The following DCC variants were observed in gnomAD, a reference collection of about 807,000 sequenced individuals.
DCC encodes DCC netrin 1 receptor.
DCC carries 58 observed loss-of-function variants against 172.5 expected under a neutral mutation model. That is an observed-to-expected ratio of 0.34 (90% CI 0.27 to 0.42). DCC has a LOEUF of 0.42. Among genes scored for constraint, DCC ranks in the 10% least tolerant of loss-of-function variants. DCC has a pLI of 1.00. For synonymous variants in DCC, 709 were observed against 644.5 expected (o/e 1.10, Z -1.52); for missense variants, 1,740 against 1,791.0 (o/e 0.97, Z 0.51).
At chr18:52,738,543 G>A (rs776673904) in intron 1 of DCC, among the ~76,000 whole-genome samples, 2 of 152,146 alleles carry the variant, frequency 1.3e-5, no homozygotes, top group Non-Finnish European at 2.9e-5. Context: ...CTTGCAGGAT[G>A]AGAAGTGAGT....
At chr18:52,677,538 C>T (rs895140791) in intron 1 of DCC, among the ~76,000 whole-genome samples, 8 of 151,766 alleles carry the variant, frequency 5.3e-5, no homozygotes, top group Admixed American at 1.3e-4. Context: ...TGGTTCAACC[C>T]ATAAATACAT....
intron 1 of DCC, among the ~76,000 whole-genome samples, chr18:52,567,456 A>T (rs955409009): frequency 9.2e-5 from 14 of 152,014 alleles, no homozygotes; most frequent in African/African-American, 3.1e-4. Flanking sequence ...TGGCTCCATC[A>T]TTTGCCAGCT....
intron 8 of DCC, among the ~76,000 whole-genome samples, chr18:53,171,469 T>C (rs187173814): frequency 9.2e-5 from 14 of 152,326 alleles, no homozygotes; most frequent in Admixed American, 2.0e-4. Context: ...ATTTATACTT[T>C]ATGTAAGACT....
At chr18:52,446,314 A>T (rs1988122046) in intron 1 of DCC, among the ~76,000 whole-genome samples, 1 of 152,218 alleles carries the variant, frequency 6.6e-6, no homozygotes, top group African/African-American at 2.4e-5. Flanking sequence ...AGAAGACAAT[A>T]AATTTTAGGA....
chr18:52,617,705 T>G (rs965126802), intron 1 of DCC, among the ~76,000 whole-genome samples: 6 of 152,190 alleles, frequency 3.9e-5, no homozygotes, highest in Admixed American at 3.3e-4. Context: ...TCTCTTACTT[T>G]TTTTTAAATA....
At chr18:52,360,311 A>G (rs1984563098) in intron 1 of DCC, among the ~76,000 whole-genome samples, 1 of 152,252 alleles carries the variant, frequency 6.6e-6, no homozygotes, top group Non-Finnish European at 1.5e-5. Context: ...TCTGAAGAAG[A>G]AATCCACTGC....
chr18:53,180,190 A>G (rs1377343947), intron 9 of DCC, among the ~76,000 whole-genome samples: 1 of 152,208 alleles, frequency 6.6e-6, no homozygotes, highest in East Asian at 1.9e-4. Context: ...GTCTGAGTGC[A>G]CTTTCCACAG....
At chr18:52,635,155 G>A (rs1256010397) in intron 1 of DCC, among the ~76,000 whole-genome samples, 2 of 152,142 alleles carry the variant, frequency 1.3e-5, no homozygotes, top group Admixed American at 6.5e-5. Flanking sequence ...CAACACAGTA[G>A]TTTATCATTG....
At chr18:53,216,488 C>T (rs1287782827) in intron 12 of DCC, among the ~76,000 whole-genome samples, 3 of 152,138 alleles carry the variant, frequency 2.0e-5, no homozygotes, top group Non-Finnish European at 2.9e-5. Context: ...AAGTTTTCAA[C>T]CTTAGCAAAC....
At chr18:52,759,768 C>CTGTTAATCT (rs2037130163) in intron 2 of DCC, among the ~76,000 whole-genome samples, 1 of 152,138 alleles carries the variant, frequency 6.6e-6, no homozygotes, top group Non-Finnish European at 1.5e-5. Flanking sequence ...ATATATTACA[C>CTGTTAATCT]TGTTAATCTT....
chr18:53,444,069 G>A (rs980880432), intron 22 of DCC, among the ~76,000 whole-genome samples: 16 of 152,198 alleles, frequency 1.1e-4, no homozygotes, highest in African/African-American at 3.6e-4. Context: ...TGAAAGATTG[G>A]TAATATTACG....
At chr18:52,597,139 T>C (rs1211997314) in intron 1 of DCC, among the ~76,000 whole-genome samples, 1 of 152,136 alleles carries the variant, frequency 6.6e-6, no homozygotes, top group Non-Finnish European at 1.5e-5. Context: ...TAAATGCAAT[T>C]CCATCTCCTA....
Position 53,495,389 on chromosome 18 carries a change from CA to C in DCC, c.3899-3892del, listed in dbSNP as rs71179511. ...TGGGTAACAGAGCAAGACTCCATCT[CA>C]AAAAAAAAAAAAAAAAGAAAGAAAG... On this transcript the variant is annotated intron_variant, in intron 26 of 28. Transcript: ENST00000442544. Among the ~76,000 whole-genome samples, 503 of 116,660 alleles carry C rather than the reference CA, an allele frequency of 4.3e-3. 2 individuals carry two copies. Among genetic ancestry groups the C allele is most frequent in the African/African-American group, 0.015 (431 of 29,550 alleles). 76.5% of individuals were successfully genotyped at this position (116,660 alleles called of 152,430 possible). A position where few individuals can be genotyped will look rare whatever the true frequency, so the allele number is the denominator to read the frequency against.
At chr18:53,117,704 A>G (rs1342639033) in intron 7 of DCC, among the ~76,000 whole-genome samples, 1 of 151,694 alleles carries the variant, frequency 6.6e-6, no homozygotes, top group East Asian at 1.9e-4. Flanking sequence ...AAAGACCAGG[A>G]AGTAAATATT....
chr18:52,836,597 G>A (rs2038709185), intron 2 of DCC, among the ~76,000 whole-genome samples: 1 of 152,220 alleles, frequency 6.6e-6, no homozygotes, highest in Non-Finnish European at 1.5e-5. Flanking sequence ...GATCTCCTTT[G>A]ACTCCATGTC....
chr18:52,596,268 G>A (rs1043196787), intron 1 of DCC, among the ~76,000 whole-genome samples: 2 of 152,076 alleles, frequency 1.3e-5, no homozygotes, highest in African/African-American at 2.4e-5. Context: ...ACACTCACAC[G>A]GGAAACACAA....
chr18:52,863,309 G>C (rs2039172729), intron 2 of DCC, among the ~76,000 whole-genome samples: 1 of 151,654 alleles, frequency 6.6e-6, no homozygotes, highest in Admixed American at 6.6e-5. Context: ...AATCAGTGTT[G>C]ACTCCCATAA....
At chr18:52,996,694 C>T (rs1311268406) in intron 5 of DCC, among the ~76,000 whole-genome samples, 1 of 151,036 alleles carries the variant, frequency 6.6e-6, no homozygotes, top group Non-Finnish European at 1.5e-5. Context: ...AATAATCATG[C>T]TTTGAAAAAA....
At chr18:52,969,125 C>T (rs1199326108) in intron 5 of DCC, among the ~76,000 whole-genome samples, 1 of 152,090 alleles carries the variant, frequency 6.6e-6, no homozygotes, top group East Asian at 1.9e-4. Flanking sequence ...TTTATGCCAA[C>T]ATGCTTTTCC....
Sources: gnomAD v4.1 joint callset for allele counts (sites outside exome capture counted in the v4.1 genomes callset) on GRCh38, gnomAD v4.1.1 for gene constraint, MANE v1.5 for transcripts, NCBI Gene and HGNC (gene_info 2026-07-23, HGNC 2026-07-21) for gene names.